The following DENND3 variants were observed in gnomAD, a reference collection of about 807,000 sequenced individuals.
The protein encoded by DENND3 is DENN domain-containing protein 3.
A neutral mutation model predicts 135.1 loss-of-function variants in DENND3; 88 were observed. The ratio of observed to expected loss-of-function variants is 0.65; its 90% confidence interval spans 0.55 to 0.78. The LOEUF (loss-of-function observed/expected upper bound fraction) is 0.78, where lower values mean the gene tolerates loss of function less well. Among genes scored for constraint, DENND3 ranks in the 30% least tolerant of loss-of-function variants. The pLI is 0.00. For missense variants in DENND3, 1,392 were observed against 1,688.4 expected (o/e 0.82, Z 3.08); for synonymous variants, 693 against 712.3 (o/e 0.97, Z 0.43).
Position 141,138,848 on chromosome 8 carries a change from G to T in DENND3, c.501+711G>T, listed in dbSNP as rs1483595141. ...TGCCCCGTGGCCTTTTATGGCGAGT[G>T]ACATTCCATCGTTTGGATGGACCAC... On this transcript the variant is annotated intron_variant, in intron 3 of 22. Transcript: ENST00000519811. This position sits in a 1 kb window ranked among gnomAD's most constrained non-coding sequence, Gnocchi z 4.8. Among the ~76,000 whole-genome samples the T allele has an allele frequency of 1.3e-5, 2 of 152,216 alleles. No homozygotes were observed. Among genetic ancestry groups the T allele is most frequent in the African/African-American group, 2.4e-5 (1 of 41,450 alleles).
chr8:141,190,243 G>A (rs1824536872), intron 19 of DENND3, 41 bp from the exon 20 acceptor site: 1 of 1,515,746 alleles, frequency 6.6e-7, no homozygotes, highest in Non-Finnish European at 8.9e-7. Context: ...TGTTTTCAGG[G>A]GCCCAAGTTA....
chr8:141,163,977 T>G lies in DENND3; in HGVS notation c.1449+548T>G, dbSNP rs938955470. 2.6e-5 allele frequency among the ~76,000 whole-genome samples: 4 copies of G among 151,910 alleles called. 1 individual carries two copies. The highest frequency in any genetic ancestry group is 5.9e-5 in the Non-Finnish European group (4 of 67,986). Reference sequence around the variant, plus strand: ...CATTTTAAGTGTGTGGTTTGATGGATTTTGACAAATGTACATATCTGTATC... The same window carrying G: ...CATTTTAAGTGTGTGGTTTGATGGAGTTTGACAAATGTACATATCTGTATC... On this transcript the variant is annotated intron_variant, in intron 10 of 22. Transcript: ENST00000519811.
intron 18 of DENND3, among the ~76,000 whole-genome samples, chr8:141,187,373 C>T (rs1274832491): frequency 1.3e-5 from 2 of 151,858 alleles, no homozygotes; most frequent in African/African-American, 2.4e-5. Flanking sequence ...TATAGGTGCG[C>T]ACCACCACAC....
At position 141,182,704 on chromosome 8, in the gene DENND3, G is replaced by C. The variant is rs911866677; in HGVS notation, c.2944+1850G>C. 6.6e-6 allele frequency among the ~76,000 whole-genome samples: 1 copy of C among 152,226 alleles called. No individual in the cohort carries two copies. The highest frequency in any genetic ancestry group is 6.5e-5 in the Admixed American group (1 of 15,292). On this transcript the variant is annotated intron_variant, in intron 17 of 22. Transcript: ENST00000519811. The surrounding 1 kb of genome is among the most constrained non-coding windows in gnomAD (Gnocchi z 5.9). ...AAGCTGGTAGCCGAGCAGGGCTTTTGCAAGCCTTGTGAGATTGCAGGGACA... is the reference window on the plus strand; with the variant it reads ...AAGCTGGTAGCCGAGCAGGGCTTTTCCAAGCCTTGTGAGATTGCAGGGACA...
intron 5 of DENND3, among the ~76,000 whole-genome samples, chr8:141,150,006 T>C (rs1379378711): frequency 6.6e-6 from 1 of 152,256 alleles, no homozygotes; most frequent in Non-Finnish European, 1.5e-5. Flanking sequence ...GCTTGATTTC[T>C]TACCCTCCCA....
At chr8:141,172,357 G>A (rs1003373546) in intron 13 of DENND3, among the ~76,000 whole-genome samples, 2 of 152,140 alleles carry the variant, frequency 1.3e-5, no homozygotes, top group East Asian at 1.9e-4. Flanking sequence ...TGGCAGCTGC[G>A]GTGAGTGTTG....
intron 1 of DENND3, among the ~76,000 whole-genome samples, chr8:141,134,867 G>C (rs2154612675): frequency 6.6e-6 from 1 of 152,230 alleles, no homozygotes; most frequent in African/African-American, 2.4e-5. Context: ...GTCTTGCTCT[G>C]TCGCGCAGGC....
At chr8:141,193,888 C>A in intron 22 of DENND3, 145 bp from the exon 23 acceptor site, 1 of 893,512 alleles carries the variant, frequency 1.1e-6, no homozygotes, top group Non-Finnish European at 1.7e-6. Context: ...TGCCAGGCGG[C>A]CCTGACCCTC....
chr8:141,150,749 T>C (rs1818696942), intron 5 of DENND3, 85 bp from the exon 6 acceptor site: 1 of 1,457,474 alleles, frequency 6.9e-7, no homozygotes, highest in Non-Finnish European at 9.1e-7. Context: ...TCTGATGCCC[T>C]GGGCACCGAA....
intron 7 of DENND3, among the ~76,000 whole-genome samples, chr8:141,152,472 G>A (rs888314152): frequency 1.3e-5 from 2 of 152,192 alleles, no homozygotes; most frequent in African/African-American, 4.8e-5. Context: ...TGGGAACAGA[G>A]TTGCTCCATG....
intron 13 of DENND3, chr8:141,173,372 C>T (rs1210764004): frequency 6.6e-6 from 1 of 152,266 alleles, no homozygotes; most frequent in Non-Finnish European, 1.5e-5. Context: ...AATCCCGCCA[C>T]CTGGTGGAGA....
chr8:141,135,224 T>G (rs1359328092), intron 1 of DENND3, among the ~76,000 whole-genome samples: 2 of 150,746 alleles, frequency 1.3e-5, no homozygotes, highest in Non-Finnish European at 3.0e-5. Flanking sequence ...TGATCACAGC[T>G]CACTGCAGCC....
rs1463505048 is a variant in DENND3, at chr8:141,136,528, T to A, written c.122T>A (p.Val41Asp). 1.3e-6 allele frequency: 2 copies of A among 1,545,036 alleles called. No homozygotes were observed. Among genetic ancestry groups the A allele is most frequent in the Admixed American group, 2.0e-5 (1 of 50,306 alleles). ...SLEQVAYKKG[V>D]KHLSALLDPE... ...TTTTAGGTTGCTTATAAAAAGGGAG[T>A]CAAACATCTTTCTGCTCTTCTTGAT... Residue 41 changes from valine (V) to aspartate (D), a missense_variant, in exon 2 of 23, where the codon GTC (valine) becomes GAC (aspartate). Val to Asp is a radical substitution (Grantham distance 152, BLOSUM62 -3). Coordinates refer to ENST00000519811, the MANE Select transcript of DENND3 (RefSeq NM_001352890.3).
intron 5 of DENND3, among the ~76,000 whole-genome samples, chr8:141,147,832 G>A (rs887317521): frequency 3.9e-5 from 6 of 152,334 alleles, no homozygotes; most frequent in Middle Eastern, 6.8e-3. Flanking sequence ...TGTGGTGGGC[G>A]AGCGTGTGCA....
rs1589719753 is a variant in DENND3, at chr8:141,189,035, A to C, written c.3134A>C (p.Asp1045Ala). 1.2e-6 allele frequency: 2 copies of C among 1,614,088 alleles called. No homozygotes were observed. The highest frequency in any genetic ancestry group is 1.7e-6 in the Non-Finnish European group (2 of 1,179,990). Reference protein sequence around the residue: ...DQNQVWVGSEDSVIYIINVHS... With the variant: ...DQNQVWVGSEASVIYIINVHS... Reference sequence around the variant, plus strand: ...AACCAGGTGTGGGTTGGCTCGGAAGACTCCGTCATCTACATCATCAACGTC... The same window carrying C: ...AACCAGGTGTGGGTTGGCTCGGAAGCCTCCGTCATCTACATCATCAACGTC... Residue 1045 changes from aspartate (D) to alanine (A), a missense_variant, in exon 19 of 23, where the codon GAC becomes GCC. Transcript: ENST00000519811.
At chr8:141,177,722 A>AAC (rs1391531096) in intron 15 of DENND3, 1 of 201,410 alleles carries the variant, frequency 5.0e-6, no homozygotes, top group African/African-American at 2.3e-5. Flanking sequence ...GTTTTATTGG[A>AAC]ACACAGTCCT....
Position 141,137,319 on chromosome 8 carries a change from T to C in DENND3, c.385+528T>C, listed in dbSNP as rs1325481956. Among the ~76,000 whole-genome samples the C allele has an allele frequency of 6.6e-6, 1 of 152,200 alleles. No individual in the cohort carries two copies. Among genetic ancestry groups the C allele is most frequent in the Non-Finnish European group, 1.5e-5 (1 of 68,040 alleles). On this transcript the variant is annotated intron_variant, in intron 2 of 22. Transcript: ENST00000519811. This position sits in a 1 kb window ranked among gnomAD's most constrained non-coding sequence, Gnocchi z 4.1. ...TAAAGCTGAAGGAAATGTAAATCAT[T>C]GCGTGTGGTCCCGGTGTTTTGGAGA...
At chr8:141,155,749 C>G (rs1267770833) in intron 7 of DENND3, 100 bp from the exon 8 acceptor site, 12 of 1,398,490 alleles carry the variant, frequency 8.6e-6, no homozygotes, top group South Asian at 3.0e-5. Flanking sequence ...AATGATGACA[C>G]TGTCTTAGTG....
chr8:141,184,544 C>T (rs1195989246), intron 17 of DENND3: 1 of 152,224 alleles, frequency 6.6e-6, no homozygotes, highest in East Asian at 1.9e-4. Context: ...ACAGACACTT[C>T]CCACAAGAGG....
Sources: gnomAD v4.1 joint callset for allele counts (sites outside exome capture counted in the v4.1 genomes callset) on GRCh38, gnomAD v4.1.1 for gene constraint, Gnocchi (gnomAD v3.1) non-coding constraint, MANE v1.5 for transcripts, NCBI Gene and HGNC (gene_info 2026-07-23, HGNC 2026-07-21) for gene names.